The following SUPT3H variants were observed in gnomAD, a reference collection of about 807,000 sequenced individuals.
SUPT3H encodes SPT3 homolog, SAGA and STAGA complex component.
SUPT3H carries 44 observed loss-of-function variants against 44.3 expected under a neutral mutation model. The ratio of observed to expected loss-of-function variants is 0.99; its 90% CI spans 0.78 to 1.28. SUPT3H has a LOEUF of 1.28. Among genes scored for constraint, SUPT3H ranks in the 50% most tolerant of loss-of-function variants. The probability of loss-of-function intolerance (pLI) is 0.00; values close to 1 mark genes in which losing one functional copy is unlikely to be tolerated. For missense variants in SUPT3H, 380 were observed against 387.1 expected (o/e 0.98, Z 0.15); for synonymous variants, 124 against 125.6 (o/e 0.99, Z 0.09).
chr6:45,280,658 T>C (rs1777857230), intron 2 of SUPT3H, among the ~76,000 whole-genome samples: 1 of 152,256 alleles, frequency 6.6e-6, no homozygotes, highest in Non-Finnish European at 1.5e-5. Context: ...GGATTATTAT[T>C]AATTACTCCC....
At chr6:45,359,288 T>C (rs1793817065) in intron 2 of SUPT3H, among the ~76,000 whole-genome samples, 1 of 152,158 alleles carries the variant, frequency 6.6e-6, no homozygotes, top group Admixed American at 6.5e-5. Context: ...AGACTTTCCA[T>C]TATGCAGTGT....
In SUPT3H at chr6:45,272,130, C is replaced by G. The variant is rs142617818; in HGVS notation, c.101+93071G>C. On this transcript the variant is annotated intron_variant, in intron 2 of 10. Transcript: ENST00000371459. ...AGGACTTGCCTTGTCTCAGATGAGA[C>G]TTGGGACTGTGGACTTTTGAGTTAA... is the stretch of plus-strand genomic sequence containing the variant. Among the ~76,000 whole-genome samples the G allele has an allele frequency of 9.0e-3, 1,367 of 152,276 alleles. 23 individuals are homozygous for G. Among genetic ancestry groups the G allele is most frequent in the African/African-American group, 0.032 (1,310 of 41,540 alleles).
intron 10 of SUPT3H, among the ~76,000 whole-genome samples, chr6:44,880,975 A>G (rs1315147118): frequency 6.6e-6 from 1 of 152,084 alleles, no homozygotes; most frequent in African/African-American, 2.4e-5. Context: ...AAAACATACC[A>G]AATTCTAAAG....
At chr6:44,946,173 A>G (rs1773309988) in intron 9 of SUPT3H, among the ~76,000 whole-genome samples, 1 of 152,164 alleles carries the variant, frequency 6.6e-6, no homozygotes, top group Admixed American at 6.5e-5. Context: ...GGAAAAAAAG[A>G]TTCCTTTCAA....
intron 10 of SUPT3H, among the ~76,000 whole-genome samples, chr6:44,895,321 T>G (rs975571791): frequency 1.3e-5 from 2 of 150,336 alleles, no homozygotes; most frequent in African/African-American, 4.9e-5. Flanking sequence ...CTCGAACTTC[T>G]AGGCTCAAGG....
chr6:44,969,667 G>C (rs573133565), intron 6 of SUPT3H, among the ~76,000 whole-genome samples: 1 of 152,124 alleles, frequency 6.6e-6, no homozygotes. Context: ...TTAAGGGACC[G>C]ACTCAGAATC....
At chr6:45,193,209 C>CA (rs1815431138) in intron 2 of SUPT3H, among the ~76,000 whole-genome samples, 3 of 151,714 alleles carry the variant, frequency 2.0e-5, no homozygotes, top group Non-Finnish European at 2.9e-5. Context: ...ACATGTACAC[C>CA]AAAAAAACCC....
Position 44,940,820 on chromosome 6 carries a change from T to C in SUPT3H, c.802-8057A>G, listed in dbSNP as rs1374597033. On this transcript the variant is annotated intron_variant, in intron 9 of 10. Coordinates refer to ENST00000371459, the MANE Select transcript of SUPT3H (RefSeq NM_003599.4). ...TTCCTTTATTATTATGTAGTGACTTTCTTTGTCTTTTTTCCTGTTTTTGAT... is the reference window on the plus strand; with the variant it reads ...TTCCTTTATTATTATGTAGTGACTTCCTTTGTCTTTTTTCCTGTTTTTGAT... Among the ~76,000 whole-genome samples the C allele has an allele frequency of 3.3e-5, 5 of 152,134 alleles. No individual in the cohort carries two copies. In the East Asian group the frequency reaches 9.6e-4, roughly 29 times the overall value.
intron 5 of SUPT3H, 22 bp from the exon 6 acceptor site, chr6:45,003,814 A>G (rs753611287): frequency 6.8e-6 from 11 of 1,612,232 alleles, no homozygotes; most frequent in Non-Finnish European, 2.5e-6. Context: ...CAAGGGAAAG[A>G]AAAAAAGAAA....
chr6:45,320,125 T>G (rs1584897588), intron 2 of SUPT3H, among the ~76,000 whole-genome samples: 1 of 152,274 alleles, frequency 6.6e-6, no homozygotes, highest in Non-Finnish European at 1.5e-5. Context: ...ATCTTTCACG[T>G]AACAATATTA....
intron 2 of SUPT3H, among the ~76,000 whole-genome samples, chr6:45,162,760 T>A (rs1180018191): frequency 6.6e-6 from 1 of 152,156 alleles, no homozygotes; most frequent in East Asian, 1.9e-4. Flanking sequence ...AGAGTAACGA[T>A]GCTTGTTCAT....
intron 2 of SUPT3H, among the ~76,000 whole-genome samples, chr6:45,278,260 T>C (rs1479394308): frequency 6.6e-6 from 1 of 152,102 alleles, no homozygotes; most frequent in African/African-American, 2.4e-5. Flanking sequence ...ACCTGCACAT[T>C]CTGCACATGT....
rs116155970 is a variant in SUPT3H at position 45,009,814 on chromosome 6, A to G, written c.364+4987T>C. On this transcript the variant is annotated intron_variant, in intron 5 of 10. Coordinates refer to ENST00000371459, the MANE Select transcript of SUPT3H (RefSeq NM_003599.4). ...AGTTCCCTCACGACCTAGATGAGTC[A>G]TTTCCATATCAGAATCTGGTATTTC... Among the ~76,000 whole-genome samples the G allele has an allele frequency of 2.6e-3, 390 of 152,286 alleles. 3 individuals are homozygous for G. Among genetic ancestry groups the G allele is most frequent in the African/African-American group, 8.6e-3 (356 of 41,572 alleles).
chr6:44,944,211 T>C (rs1772919354), intron 9 of SUPT3H, among the ~76,000 whole-genome samples: 2 of 152,114 alleles, frequency 1.3e-5, no homozygotes, highest in Non-Finnish European at 2.9e-5. Flanking sequence ...CTCCCAAGTA[T>C]ACTGAACATT....
chr6:44,992,279 T>C (rs374015686), intron 6 of SUPT3H, among the ~76,000 whole-genome samples: 1 of 152,102 alleles, frequency 6.6e-6, no homozygotes, highest in Admixed American at 6.6e-5. Flanking sequence ...AGTGATTCTA[T>C]AAAAAACTTA....
intron 1 of SUPT3H, among the ~76,000 whole-genome samples, chr6:45,367,453 C>T (rs569711801): frequency 1.3e-5 from 2 of 150,886 alleles, no homozygotes; most frequent in African/African-American, 4.9e-5. Flanking sequence ...ATTTGAGACT[C>T]GGATTAAAAA....
chr6:45,212,481 A>ATG (rs11269206), intron 2 of SUPT3H, among the ~76,000 whole-genome samples: 1,877 of 42,824 alleles, frequency 0.044, 83 homozygotes, highest in East Asian at 0.064. Context: ...CACCTCCACT[A>ATG]TGTGTGTGTG....
chr6:44,893,683 T>A (rs36167200), intron 10 of SUPT3H, among the ~76,000 whole-genome samples: 1 of 150,204 alleles, frequency 6.7e-6, no homozygotes, highest in African/African-American at 2.4e-5. Flanking sequence ...AATAAACATA[T>A]GTGTGCATGT....
At chr6:45,048,887 A>C (rs984595430) in intron 3 of SUPT3H, among the ~76,000 whole-genome samples, 3 of 151,436 alleles carry the variant, frequency 2.0e-5, no homozygotes, top group Admixed American at 6.6e-5. Flanking sequence ...GCTGAGGGGG[A>C]GGGAGGGGTT....
Sources: gnomAD v4.1 joint callset for allele counts (sites outside exome capture counted in the v4.1 genomes callset) on GRCh38, gnomAD v4.1.1 for gene constraint, MANE v1.5 for transcripts, NCBI Gene and HGNC (gene_info 2026-07-23, HGNC 2026-07-21) for gene names.